RPSA2: variants seen among roughly 807,000 people sequenced by gnomAD.
RPSA2 encodes ribosomal protein SA 2.
the RPSA2 span, chr19:23,823,620 C>T: frequency 6.6e-6 from 1 of 152,392 alleles, no homozygotes; most frequent in Admixed American, 6.5e-5. Flanking sequence ...GTGTAAGTTT[C>T]CCTGAGTTTG....
chr19:23,809,264 A>C, the RPSA2 span: 1 of 152,150 alleles, frequency 6.6e-6, no homozygotes, highest in Non-Finnish European at 1.5e-5. Flanking sequence ...TTTCATTACC[A>C]TAGTTTTGAA....
At chr19:23,829,607 G>A in the RPSA2 span, among the ~76,000 whole-genome samples, 1 of 152,268 alleles carries the variant, frequency 6.6e-6, no homozygotes. Context: ...AACCTCTTTT[G>A]TGTATTTATA....
At chr19:23,855,237 G>A in the RPSA2 span, among the ~76,000 whole-genome samples, 2 of 152,170 alleles carry the variant, frequency 1.3e-5, no homozygotes, top group South Asian at 2.1e-4. Context: ...TGATTTAGCT[G>A]AGCCTGCAGA....
the RPSA2 span, among the ~76,000 whole-genome samples, chr19:23,843,981 A>G: frequency 6.6e-6 from 1 of 151,874 alleles, no homozygotes; most frequent in South Asian, 2.1e-4. Context: ...CTGGTCTCCA[A>G]CTCCTGACCT....
chr19:23,862,896 C>CTTT, the RPSA2 span, among the ~76,000 whole-genome samples: 1 of 142,736 alleles, frequency 7.0e-6, no homozygotes, highest in Admixed American at 7.0e-5. Flanking sequence ...TTCTTTCTTT[C>CTTT]TTTTTTTTTT....
chr19:23,850,478 T>G, the RPSA2 span, among the ~76,000 whole-genome samples: 3 of 146,652 alleles, frequency 2.0e-5, no homozygotes, highest in Non-Finnish European at 4.5e-5. Flanking sequence ...ACCAGACCCA[T>G]TTTGATTTGT....
the RPSA2 span, among the ~76,000 whole-genome samples, chr19:23,766,523 C>G: frequency 6.7e-6 from 1 of 150,358 alleles, no homozygotes; most frequent in East Asian, 2.0e-4. Context: ...GCGATCTCCC[C>G]GGCTCACTGC....
the RPSA2 span, among the ~76,000 whole-genome samples, chr19:23,834,955 G>A: frequency 6.6e-6 from 1 of 151,886 alleles, no homozygotes; most frequent in African/African-American, 2.4e-5. Flanking sequence ...ATGTTTATAT[G>A]TTTATGCCAT....
the RPSA2 span, among the ~76,000 whole-genome samples, chr19:23,851,803 G>A: frequency 6.6e-6 from 1 of 152,172 alleles, no homozygotes; most frequent in South Asian, 2.1e-4. Context: ...CACCCAATAA[G>A]TCATTTTTAT....
chr19:23,833,500 T>G, the RPSA2 span, among the ~76,000 whole-genome samples: 1 of 152,118 alleles, frequency 6.6e-6, no homozygotes, highest in African/African-American at 2.4e-5. Context: ...AGCCTTTAAA[T>G]GATTGTCACA....
the RPSA2 span, among the ~76,000 whole-genome samples, chr19:23,868,812 T>C: frequency 1.6e-3 from 237 of 152,262 alleles, 2 homozygotes; most frequent in Non-Finnish European, 2.8e-3. Context: ...AATGGAAGAC[T>C]GGAGGAACCC....
chr19:23,813,892 T>A, the RPSA2 span, among the ~76,000 whole-genome samples: 1 of 151,962 alleles, frequency 6.6e-6, no homozygotes. Context: ...CCGGCTAATT[T>A]TTGTATTTTT....
the RPSA2 span, among the ~76,000 whole-genome samples, chr19:23,853,109 C>T: frequency 6.6e-6 from 1 of 152,194 alleles, no homozygotes; most frequent in Non-Finnish European, 1.5e-5. Flanking sequence ...ATTCAGCATT[C>T]CCTGAGGAAG....
At chr19:23,826,650 A>G in the RPSA2 span, among the ~76,000 whole-genome samples, 1 of 152,126 alleles carries the variant, frequency 6.6e-6, no homozygotes, top group Non-Finnish European at 1.5e-5. Context: ...TAGTTGGTAG[A>G]ATATTTCCTG....
the RPSA2 span, among the ~76,000 whole-genome samples, chr19:23,774,054 G>T: frequency 6.6e-6 from 1 of 152,216 alleles, no homozygotes; most frequent in Non-Finnish European, 1.5e-5. Context: ...ACCCTGAACT[G>T]AAAGGATGTG....
the RPSA2 span, among the ~76,000 whole-genome samples, chr19:23,799,966 A>T: frequency 1.6e-3 from 244 of 152,116 alleles, 1 homozygote; most frequent in African/African-American, 5.5e-3. Flanking sequence ...TCTCTTAAGC[A>T]GACTGACTGT....
the RPSA2 span, among the ~76,000 whole-genome samples, chr19:23,855,164 G>A: frequency 6.6e-6 from 1 of 152,188 alleles, no homozygotes; most frequent in Non-Finnish European, 1.5e-5. Flanking sequence ...TGATTGAACA[G>A]TAGTATCAGA....
chr19:23,774,068 C>CT, the RPSA2 span, among the ~76,000 whole-genome samples: 1 of 152,208 alleles, frequency 6.6e-6, no homozygotes, highest in African/African-American at 2.4e-5. Context: ...GGATGTGACT[C>CT]TATTTTTCTG....
the RPSA2 span, among the ~76,000 whole-genome samples, chr19:23,825,300 G>C: frequency 6.6e-6 from 1 of 152,006 alleles, no homozygotes; most frequent in Admixed American, 6.5e-5. Context: ...AGATTTTTGT[G>C]TTATATATTT....
Sources: gnomAD v4.1 joint callset for allele counts (sites outside exome capture counted in the v4.1 genomes callset) on GRCh38, gnomAD v4.1.1 for gene constraint, MANE v1.5 for transcripts, NCBI Gene and HGNC (gene_info 2026-07-23, HGNC 2026-07-21) for gene names.